RPS6KC1: variants seen among roughly 807,000 people sequenced by gnomAD.
RPS6KC1 encodes the protein ribosomal protein S6 kinase C1, also known as inactive ribosomal protein S6 kinase delta-1.
RPS6KC1 carries 54 observed loss-of-function variants against 103.8 expected under a neutral mutation model. That is an observed-to-expected ratio of 0.52 (90% CI 0.42 to 0.65). The LOEUF (loss-of-function observed/expected upper bound fraction) is 0.65. RPS6KC1 is among the 30% of genes least tolerant of loss of function. RPS6KC1 has a pLI of 0.00. For synonymous variants in RPS6KC1, 439 were observed against 438.7 expected, an observed-to-expected ratio of 1.00 and a Z score of -0.01; for missense variants, 1,151 against 1,253.8, an observed-to-expected ratio of 0.92 and a Z score of 1.24.
the RPS6KC1 span, among the ~76,000 whole-genome samples, chr1:213,761,191 G>A: frequency 1.3e-5 from 2 of 151,982 alleles, no homozygotes; most frequent in Admixed American, 1.3e-4. Context: ...ATGTATTTTT[G>A]TTTGGGTTTT....
chr1:213,235,423 G>C (rs1288144839), intron 10 of RPS6KC1, among the ~76,000 whole-genome samples: 1 of 152,076 alleles, frequency 6.6e-6, no homozygotes, highest in African/African-American at 2.4e-5. Context: ...AATATGCTAT[G>C]GAGAAAAATT....
intron 4 of RPS6KC1, among the ~76,000 whole-genome samples, chr1:213,116,133 G>T (rs921945097): frequency 2.0e-5 from 3 of 151,970 alleles, no homozygotes; most frequent in African/African-American, 7.3e-5. Context: ...TCGTTGATCT[G>T]TCTAATGTTG....
At chr1:213,233,623 C>T (rs189869703) in intron 10 of RPS6KC1, among the ~76,000 whole-genome samples, 1 of 152,248 alleles carries the variant, frequency 6.6e-6, no homozygotes, top group African/African-American at 2.4e-5. Flanking sequence ...TTCTCCATAT[C>T]ATTTTTCATT....
At chr1:213,151,335 C>G (rs1415513179) in intron 6 of RPS6KC1, among the ~76,000 whole-genome samples, 1 of 120,864 alleles carries the variant, frequency 8.3e-6, no homozygotes, top group Admixed American at 7.8e-5. Flanking sequence ...GGCGGCTGGC[C>G]GGGCGGGGGG....
chr1:213,111,194 G>A (rs2082996914), intron 4 of RPS6KC1, among the ~76,000 whole-genome samples: 6 of 152,018 alleles, frequency 3.9e-5, no homozygotes, highest in Admixed American at 3.9e-4. Flanking sequence ...CTCAATGGTG[G>A]TTTTGACAGA....
chr1:213,258,443 C>T (rs1047593266), intron 12 of RPS6KC1, among the ~76,000 whole-genome samples: 2 of 152,188 alleles, frequency 1.3e-5, no homozygotes, highest in African/African-American at 2.4e-5. Context: ...AATAAAACCA[C>T]TAACTATACT....
the RPS6KC1 span, among the ~76,000 whole-genome samples, chr1:213,730,117 G>A: frequency 6.6e-6 from 1 of 152,114 alleles, no homozygotes; most frequent in Admixed American, 6.5e-5. Context: ...TCTTTTTAAT[G>A]GCTGCATAGT....
chr1:213,770,155 C>T, the RPS6KC1 span, among the ~76,000 whole-genome samples: 16 of 152,262 alleles, frequency 1.1e-4, no homozygotes, highest in South Asian at 2.9e-3. Context: ...TGGCCATTTC[C>T]CCTCATTTTA....
the RPS6KC1 span, among the ~76,000 whole-genome samples, chr1:213,613,260 A>G: frequency 2.9e-3 from 442 of 152,372 alleles, 1 homozygote; most frequent in African/African-American, 0.01. Context: ...TTGCACCAGC[A>G]TCACTTGTGC....
the RPS6KC1 span, among the ~76,000 whole-genome samples, chr1:213,568,730 T>C: frequency 6.6e-6 from 1 of 152,202 alleles, no homozygotes; most frequent in African/African-American, 2.4e-5. Flanking sequence ...TGTTACATGT[T>C]AGCAAATAAT....
the RPS6KC1 span, among the ~76,000 whole-genome samples, chr1:213,824,518 T>C: frequency 4.4e-4 from 67 of 152,314 alleles, no homozygotes; most frequent in Middle Eastern, 6.8e-3. Context: ...GCTCATGCAT[T>C]GATATGGTTT....
the RPS6KC1 span, among the ~76,000 whole-genome samples, chr1:213,442,958 G>GT: frequency 9.7e-3 from 1,370 of 141,104 alleles, 8 homozygotes; most frequent in African/African-American, 0.018. Flanking sequence ...CTTTCTCAGG[G>GT]TTTTTTTTTT....
intron 1 of RPS6KC1, among the ~76,000 whole-genome samples, chr1:213,063,243 G>A (rs1213524246): frequency 6.6e-6 from 1 of 152,194 alleles, no homozygotes; most frequent in African/African-American, 2.4e-5. Flanking sequence ...TAACTGTAAT[G>A]CCTATAGGCA....
chr1:213,808,515 C>A, the RPS6KC1 span, among the ~76,000 whole-genome samples: 2 of 152,244 alleles, frequency 1.3e-5, no homozygotes, highest in Non-Finnish European at 2.9e-5. Context: ...TCGCTGCCAC[C>A]TTGCAGTTTG....
chr1:213,112,627 A>G (rs182771920), intron 4 of RPS6KC1, among the ~76,000 whole-genome samples: 3,363 of 151,860 alleles, frequency 0.022, 121 homozygotes, highest in African/African-American at 0.077. Context: ...GGGTAGTTAC[A>G]TATGTATACA....
At chr1:213,391,216 G>A in the RPS6KC1 span, among the ~76,000 whole-genome samples, 4 of 152,160 alleles carry the variant, frequency 2.6e-5, no homozygotes, top group African/African-American at 9.7e-5. Context: ...TCCTGGTAGA[G>A]ACTGGACTGG....
At chr1:213,087,285 A>G (rs772696809) in intron 3 of RPS6KC1, among the ~76,000 whole-genome samples, 10 of 152,136 alleles carry the variant, frequency 6.6e-5, no homozygotes, top group Non-Finnish European at 1.2e-4. Context: ...ACCTATGTCT[A>G]TATCACATTG....
chr1:213,329,404 A>G, the RPS6KC1 span, among the ~76,000 whole-genome samples: 1 of 152,052 alleles, frequency 6.6e-6, no homozygotes, highest in Non-Finnish European at 1.5e-5. Flanking sequence ...GCCCCAGACC[A>G]TCTAATCCCT....
chr1:213,556,922 C>T, the RPS6KC1 span, among the ~76,000 whole-genome samples: 1 of 152,098 alleles, frequency 6.6e-6, no homozygotes, highest in South Asian at 2.1e-4. Flanking sequence ...CTCATTTAAT[C>T]CAGGTGGGGT....
Sources: gnomAD v4.1 joint callset for allele counts (sites outside exome capture counted in the v4.1 genomes callset) on GRCh38, gnomAD v4.1.1 for gene constraint, MANE v1.5 for transcripts, NCBI Gene and HGNC (gene_info 2026-07-23, HGNC 2026-07-21) for gene names.